AGBL1: variants seen among roughly 807,000 people sequenced by gnomAD.
The protein encoded by AGBL1 is cytosolic carboxypeptidase 4.
In AGBL1, 130 loss-of-function variants were observed where a neutral mutation model predicts 118.9. The observed-to-expected ratio is 1.09, with a 90% CI of 0.95 to 1.26. AGBL1 has a LOEUF of 1.26. Ranked by LOEUF, AGBL1 falls within the 50% of genes most tolerant of loss-of-function variation. The pLI is 0.00. For synonymous variants in AGBL1, 555 were observed against 478.9 expected, an observed-to-expected ratio of 1.16 and a Z score of -2.08; for missense variants, 1,584 against 1,298.1, an observed-to-expected ratio of 1.22 and a Z score of -3.38.
chr15:86,365,971 G>T (rs2141932163), intron 17 of AGBL1, among the ~76,000 whole-genome samples: 1 of 152,244 alleles, frequency 6.6e-6, no homozygotes, highest in Admixed American at 6.5e-5. Flanking sequence ...TTTTCCTCCT[G>T]AGAAACTTGA....
At chr15:86,239,325 A>G (rs558440201) in intron 6 of AGBL1, among the ~76,000 whole-genome samples, 1 of 152,368 alleles carries the variant, frequency 6.6e-6, no homozygotes, top group South Asian at 2.1e-4. Flanking sequence ...AAGAGAAAAA[A>G]AGTACCCGAA....
At chr15:86,733,584 A>G (rs2077556083) in intron 22 of AGBL1, among the ~76,000 whole-genome samples, 1 of 152,172 alleles carries the variant, frequency 6.6e-6, no homozygotes, top group African/African-American at 2.4e-5. Flanking sequence ...ATTAACTACT[A>G]TTATTCCCAG....
intron 17 of AGBL1, among the ~76,000 whole-genome samples, chr15:86,367,754 G>C (rs960831922): frequency 6.6e-6 from 1 of 152,138 alleles, no homozygotes; most frequent in African/African-American, 2.4e-5. Flanking sequence ...TACTTTCCTT[G>C]TCGTCCAAAC....
At chr15:86,475,505 G>C (rs1171494600) in intron 18 of AGBL1, among the ~76,000 whole-genome samples, 1 of 152,120 alleles carries the variant, frequency 6.6e-6, no homozygotes, top group Non-Finnish European at 1.5e-5. Context: ...GAAAAGAAGT[G>C]AGAAGAGAAG....
intron 22 of AGBL1, among the ~76,000 whole-genome samples, chr15:86,766,635 C>T (rs754571071): frequency 6.6e-6 from 1 of 151,826 alleles, no homozygotes; most frequent in African/African-American, 2.4e-5. Flanking sequence ...TTCCCTTATT[C>T]ATCCATTTGT....
chr15:86,153,588 A>G (rs1355669311), intron 3 of AGBL1, among the ~76,000 whole-genome samples: 2 of 152,228 alleles, frequency 1.3e-5, no homozygotes, highest in Non-Finnish European at 2.9e-5. Context: ...CAGCAAACCA[A>G]CACAGCACAT....
At chr15:86,732,262 T>C (rs972840842) in intron 22 of AGBL1, among the ~76,000 whole-genome samples, 1 of 152,230 alleles carries the variant, frequency 6.6e-6, no homozygotes, top group Non-Finnish European at 1.5e-5. Flanking sequence ...AGTGCATGTG[T>C]ATGCATGTAT....
intron 22 of AGBL1, among the ~76,000 whole-genome samples, chr15:86,849,599 A>G (rs1596548951): frequency 1.7e-5 from 2 of 116,514 alleles, no homozygotes; most frequent in Admixed American, 8.2e-5. Flanking sequence ...AAAATTGCCC[A>G]AATCCTGATG....
chr15:86,198,339 G>A (rs1240183789), intron 5 of AGBL1, among the ~76,000 whole-genome samples: 2 of 152,092 alleles, frequency 1.3e-5, no homozygotes, highest in African/African-American at 4.8e-5. Flanking sequence ...AATTGTATTC[G>A]ACCGTACTTG....
chr15:86,650,496 CAG>C (rs2085351273), intron 21 of AGBL1, among the ~76,000 whole-genome samples: 4 of 152,182 alleles, frequency 2.6e-5, no homozygotes, highest in Admixed American at 2.6e-4. Context: ...CTGGGCCTCA[CAG>C]ATGAATTTCA....
At chr15:86,573,583 C>G (rs1366853879) in intron 21 of AGBL1, among the ~76,000 whole-genome samples, 4 of 152,194 alleles carry the variant, frequency 2.6e-5, no homozygotes, top group Non-Finnish European at 5.9e-5. Context: ...TGTCTTTCAT[C>G]CTACTTCCTC....
At chr15:86,448,522 A>T (rs1294870515) in intron 18 of AGBL1, among the ~76,000 whole-genome samples, 1 of 152,238 alleles carries the variant, frequency 6.6e-6, no homozygotes, top group Non-Finnish European at 1.5e-5. Context: ...TCAGTTAAGG[A>T]ACAACACTTC....
rs550073758 is a variant in AGBL1 at position 87,012,114 on chromosome 15, C to T, written c.3324-16711C>T. On this transcript the variant is annotated intron_variant, in intron 24 of 24. Transcript: ENST00000441037. ...TATAAATGCTGAGAAGGAGAATAGG[C>T]TCAGGTATGCTCTGCTAAATCAAGG... is the stretch of plus-strand genomic sequence containing the variant. Among the ~76,000 whole-genome samples the T allele has an allele frequency of 7.9e-5, 12 of 152,030 alleles. No homozygotes were observed. In the East Asian group the frequency reaches 2.3e-3, roughly 29 times the overall value.
intron 23 of AGBL1, among the ~76,000 whole-genome samples, chr15:86,984,338 T>C (rs887487674): frequency 6.7e-6 from 1 of 148,964 alleles, no homozygotes; most frequent in Non-Finnish European, 1.5e-5. Flanking sequence ...TTTTTCAAAG[T>C]AGATTGTTTT....
chr15:86,111,676 A>G (rs1466867298), intron 1 of AGBL1, among the ~76,000 whole-genome samples: 6 of 152,206 alleles, frequency 3.9e-5, no homozygotes, highest in South Asian at 2.1e-4. Flanking sequence ...ACACTTGTGT[A>G]GTATCAAAAG....
chr15:86,504,372 T>C (rs2082950571), intron 18 of AGBL1, among the ~76,000 whole-genome samples: 1 of 151,524 alleles, frequency 6.6e-6, no homozygotes, highest in South Asian at 2.1e-4. Context: ...CTAATCTCAA[T>C]CTTTAGATTG....
intron 18 of AGBL1, among the ~76,000 whole-genome samples, chr15:86,522,132 G>A (rs900358536): frequency 6.6e-6 from 1 of 152,086 alleles, no homozygotes. Context: ...TTTTGAATAC[G>A]AACATCATCA....
At chr15:86,123,258 G>C (rs1273096838) in intron 1 of AGBL1, among the ~76,000 whole-genome samples, 2 of 151,928 alleles carry the variant, frequency 1.3e-5, no homozygotes, top group African/African-American at 2.4e-5. Context: ...TTGTCGTTTT[G>C]AGACAGAGTC....
intron 1 of AGBL1, among the ~76,000 whole-genome samples, chr15:86,111,504 A>T (rs1440434522): frequency 6.6e-6 from 1 of 152,216 alleles, no homozygotes; most frequent in East Asian, 1.9e-4. Context: ...AGGCTGACAC[A>T]CAGGCAAGGA....
Sources: gnomAD v4.1 joint callset for allele counts (sites outside exome capture counted in the v4.1 genomes callset) on GRCh38, gnomAD v4.1.1 for gene constraint, MANE v1.5 for transcripts, NCBI Gene and HGNC (gene_info 2026-07-23, HGNC 2026-07-21) for gene names.